LIMCH1: variants seen among roughly 807,000 people sequenced by gnomAD.
The protein encoded by LIMCH1 is LIM and calponin homology domains 1.
A neutral mutation model predicts 176.5 loss-of-function variants in LIMCH1; 113 were observed. The observed-to-expected ratio is 0.64, with a 90% CI of 0.55 to 0.75. The LOEUF (loss-of-function observed/expected upper bound fraction) is 0.75, where lower values mean the gene tolerates loss of function less well. LIMCH1 is among the 30% of genes least tolerant of loss of function. The probability of loss-of-function intolerance (pLI) is 0.00; values close to 1 mark genes in which losing one functional copy is unlikely to be tolerated. For synonymous variants in LIMCH1, 619 were observed against 645.9 expected (o/e 0.96, Z 0.63); for missense variants, 1,674 against 1,814.9 (o/e 0.92, Z 1.41).
chr4:41,649,405 A>G (rs1410744819), intron 17 of LIMCH1, among the ~76,000 whole-genome samples: 5 of 152,238 alleles, frequency 3.3e-5, no homozygotes, highest in Admixed American at 6.5e-5. Flanking sequence ...GTCTCAAAAA[A>G]TAAATAAATA....
At chr4:41,517,513 GC>G (rs982876558) in intron 2 of LIMCH1, among the ~76,000 whole-genome samples, 4 of 152,084 alleles carry the variant, frequency 2.6e-5, no homozygotes, top group African/African-American at 9.7e-5. Context: ...TGTGCTCCAG[GC>G]AAGTGGCTTA....
rs775883518 is a variant in LIMCH1, at chr4:41,599,021, A to G, written c.-139A>G. ...TCCAGGATACATCCAACAGAGTAAC[A>G]GTCAAGTAAGTAAAGCGTGATTTAT... On this transcript the variant is annotated 5_prime_UTR_variant, in exon 2 of 32. Coordinates refer to ENST00000503057, the MANE Select transcript of LIMCH1 (RefSeq NM_001330672.2). The G allele has an allele frequency of 2.5e-6, 4 of 1,586,866 alleles. No individual in the cohort carries two copies. In the East Asian group the frequency reaches 6.7e-5, roughly 27 times the overall value.
At chr4:41,525,743 A>AT (rs1393050961) in intron 3 of LIMCH1, among the ~76,000 whole-genome samples, 1 of 151,986 alleles carries the variant, frequency 6.6e-6, no homozygotes, top group Non-Finnish European at 1.5e-5. Context: ...TAAGTATTAT[A>AT]TATCAGTGTA....
chr4:41,388,890 G>T (rs1261242683), intron 1 of LIMCH1, among the ~76,000 whole-genome samples: 2 of 152,174 alleles, frequency 1.3e-5, no homozygotes, highest in African/African-American at 4.8e-5. Context: ...TGATCCACCC[G>T]CCTCGGCCTC....
At chr4:41,673,309 T>C (rs1163582058) in intron 22 of LIMCH1, among the ~76,000 whole-genome samples, 1 of 152,126 alleles carries the variant, frequency 6.6e-6, no homozygotes, top group African/African-American at 2.4e-5. Context: ...AAGATTTCCA[T>C]TTTAAATTGC....
intron 2 of LIMCH1, among the ~76,000 whole-genome samples, chr4:41,600,211 CAG>C (rs2089669992): frequency 6.6e-6 from 1 of 152,124 alleles, no homozygotes; most frequent in African/African-American, 2.4e-5. Flanking sequence ...GAAAAAATAA[CAG>C]AATAAAAATC....
intron 1 of LIMCH1, among the ~76,000 whole-genome samples, chr4:41,395,229 A>AT (rs757933680): frequency 0.13 from 16,615 of 130,896 alleles, 1,814 homozygotes; most frequent in African/African-American, 0.27. Context: ...GTAGAAGTTA[A>AT]TTTTTTTTTT....
At chr4:41,684,562 G>GT (rs767659485) in intron 27 of LIMCH1, 44 bp downstream of exon 27, 7 of 1,604,834 alleles carry the variant, frequency 4.4e-6, no homozygotes, top group Middle Eastern at 1.7e-4. Context: ...TTAAATTGTT[G>GT]TAAGACCCCC....
intron 25 of LIMCH1, among the ~76,000 whole-genome samples, chr4:41,681,552 G>A (rs1388782507): frequency 1.3e-5 from 2 of 152,108 alleles, no homozygotes; most frequent in Non-Finnish European, 2.9e-5. Context: ...TGTAGTCCCA[G>A]CTGCCTGGGA....
intron 1 of LIMCH1, among the ~76,000 whole-genome samples, chr4:41,405,497 T>C (rs967797096): frequency 1.6e-4 from 25 of 152,146 alleles, no homozygotes; most frequent in Admixed American, 2.6e-4. Flanking sequence ...TCATCTTTGC[T>C]TGGTCTTGTG....
intron 2 of LIMCH1, 128 bp downstream of exon 2, chr4:41,599,154 A>AAATAAAAATTTG: frequency 3.3e-6 from 2 of 601,868 alleles, no homozygotes; most frequent in Non-Finnish European, 6.0e-6. Context: ...TGTGAAGGTA[A>AAATAAAAATTTG]AAATCAACTT....
chr4:41,406,046 TG>T (rs1346566703), intron 1 of LIMCH1, among the ~76,000 whole-genome samples: 1 of 152,176 alleles, frequency 6.6e-6, no homozygotes, highest in Admixed American at 6.5e-5. Flanking sequence ...GTTTCTGAGA[TG>T]AAAAAAACAC....
At chr4:41,543,195 G>T (rs562219128) in intron 1 of LIMCH1, among the ~76,000 whole-genome samples, 61 of 152,098 alleles carry the variant, frequency 4.0e-4, no homozygotes, top group Non-Finnish European at 7.5e-4. Flanking sequence ...TAAAATAACT[G>T]GTGTCCTTCA....
At chr4:41,632,625 G>A (rs2093384018) in intron 10 of LIMCH1, 124 bp from the exon 11 acceptor site, 1 of 748,266 alleles carries the variant, frequency 1.3e-6, no homozygotes, top group Admixed American at 2.1e-5. Flanking sequence ...TTACTAACCA[G>A]CCTTTGGAAT....
intron 1 of LIMCH1, among the ~76,000 whole-genome samples, chr4:41,397,537 T>A (rs550657304): frequency 2.0e-5 from 3 of 152,244 alleles, no homozygotes; most frequent in South Asian, 4.1e-4. Context: ...CAGATTAGAG[T>A]GGGAATGTAG....
intron 2 of LIMCH1, among the ~76,000 whole-genome samples, chr4:41,505,948 A>ACACACACACACACACG (rs2074107344): frequency 6.6e-6 from 1 of 151,566 alleles, no homozygotes; most frequent in African/African-American, 2.4e-5. Context: ...ACACACACAC[A>ACACACACACACACACG]CACACACACA....
At chr4:41,416,292 G>A (rs955945133) in intron 1 of LIMCH1, among the ~76,000 whole-genome samples, 2 of 152,096 alleles carry the variant, frequency 1.3e-5, no homozygotes, top group South Asian at 4.2e-4. Flanking sequence ...ACCTGGTCAC[G>A]ATAATAACAA....
chr4:41,460,458 C>CTTTATATTTATATATATATATATA (rs372751468), intron 1 of LIMCH1, among the ~76,000 whole-genome samples: 2 of 110,546 alleles, frequency 1.8e-5, no homozygotes, highest in African/African-American at 7.9e-5. Context: ...TAGTAATCAT[C>CTTTATATTTATATATATATATATA]TATATATATA....
rs997126304 is a variant in LIMCH1 at position 41,698,674 on chromosome 4, T to C, written c.*1489T>C. ...TTTCTGTTATGTAAGCAATAATTTT[T>C]CCGTGTCTTATTGAGTATGGCTAGC... On this transcript the variant is annotated 3_prime_UTR_variant, in exon 32 of 32. Transcript: ENST00000503057. The C allele has an allele frequency of 6.6e-6, 1 of 152,620 alleles. No homozygotes were observed. Among genetic ancestry groups the C allele is most frequent in the Admixed American group, 6.5e-5 (1 of 15,274 alleles). 9.5% of individuals were successfully genotyped at this position (152,620 alleles called of 1,614,324 possible). A position where few individuals can be genotyped will look rare whatever the true frequency, so the allele number is the denominator to read the frequency against.
Sources: allele counts gnomAD v4.1 joint callset (sites outside exome capture counted in the v4.1 genomes callset), GRCh38; gene constraint gnomAD v4.1.1; transcripts MANE v1.5; gene names NCBI Gene and HGNC (gene_info 2026-07-23, HGNC 2026-07-21).